Variants in KATNBL1 observed in about 807,000 individuals in gnomAD.
KATNBL1 encodes KATNB1-like protein 1.
A neutral mutation model predicts 44.7 loss-of-function variants in KATNBL1; 28 were observed. The ratio of observed to expected loss-of-function variants is 0.63; its 90% CI spans 0.46 to 0.86. The LOEUF (loss-of-function observed/expected upper bound fraction) is 0.86, where lower values mean the gene tolerates loss of function less well. Among genes scored for constraint, KATNBL1 ranks in the 40% least tolerant of loss-of-function variants. KATNBL1 has a pLI of 0.00. For missense variants in KATNBL1, 272 were observed against 350.7 expected (o/e 0.78, Z 1.79); for synonymous variants, 78 against 114.9 (o/e 0.68, Z 2.06).
Position 34,193,851 on chromosome 15 carries a change from C to CAAA in KATNBL1, c.-15+16097_-15+16099dup, listed in dbSNP as rs58951561. 7.9e-3 allele frequency among the ~76,000 whole-genome samples: 503 copies of CAAA among 63,516 alleles called. 36 individuals carry two copies. The highest frequency in any genetic ancestry group is 0.019 in the Middle Eastern group (2 of 106). 41.7% of individuals were successfully genotyped at this position (63,516 alleles called of 152,430 possible). ...TGGGTGACAGAGAAAGGCCCTGTCT[C>CAAA]AAAAAAAAAAAAAAAAAAAAAAAAA... On this transcript the variant is annotated intron_variant, in intron 1 of 9. Transcript: ENST00000256544.
At chr15:34,209,261 C>T (rs1890369930) in intron 1 of KATNBL1, 1 of 152,124 alleles carries the variant, frequency 6.6e-6, no homozygotes, top group South Asian at 2.1e-4. Context: ...TTATTACACA[C>T]CTAATTTCTC....
chr15:34,188,485 G>C (rs1457416665), intron 1 of KATNBL1, among the ~76,000 whole-genome samples: 1 of 152,150 alleles, frequency 6.6e-6, no homozygotes, highest in Non-Finnish European at 1.5e-5. Flanking sequence ...GAACCTGGGA[G>C]GTGGAGGTTG....
intron 1 of KATNBL1, among the ~76,000 whole-genome samples, chr15:34,201,443 G>A (rs1890174436): frequency 6.6e-6 from 1 of 152,194 alleles, no homozygotes; most frequent in Non-Finnish European, 1.5e-5. Flanking sequence ...GCTAGGGGGT[G>A]AAGGGAGAAG....
chr15:34,182,941 C>T (rs11857205), intron 1 of KATNBL1, among the ~76,000 whole-genome samples: 50,335 of 151,990 alleles, frequency 0.33, 8,859 homozygotes, highest in African/African-American at 0.47. Context: ...CCAAAACTCA[C>T]GGAAAGGATA....
chr15:34,157,790 G>GGGT (rs1888681746), intron 2 of KATNBL1, among the ~76,000 whole-genome samples: 1 of 152,160 alleles, frequency 6.6e-6, no homozygotes, highest in Non-Finnish European at 1.5e-5. Context: ...TGATGAAGGT[G>GGGT]GGTGCCAGGG....
At chr15:34,172,754 GACACAGACAC>G (rs1171418375) in intron 1 of KATNBL1, among the ~76,000 whole-genome samples, 1 of 81,626 alleles carries the variant, frequency 1.2e-5, no homozygotes, top group African/African-American at 4.8e-5. Context: ...TAGACACACA[GACACAGACAC>G]ACACACACAC....
intron 2 of KATNBL1, among the ~76,000 whole-genome samples, chr15:34,161,468 G>A (rs956205975): frequency 2.0e-5 from 3 of 152,186 alleles, no homozygotes; most frequent in South Asian, 2.1e-4. Flanking sequence ...GCTCAATGCC[G>A]CAAAGAAGAA....
chr15:34,153,103 G>T (rs748946632), intron 3 of KATNBL1, 34 bp from the exon 4 acceptor site: 1 of 1,498,016 alleles, frequency 6.7e-7, no homozygotes, highest in Non-Finnish European at 9.1e-7. Flanking sequence ...AAATGAAAAA[G>T]AACCATATGA....
intron 5 of KATNBL1, 114 bp downstream of exon 5, chr15:34,148,518 G>C (rs1888375938): frequency 1.6e-6 from 1 of 621,378 alleles, no homozygotes; most frequent in South Asian, 1.8e-5. Context: ...AACTCAGCAG[G>C]TTGAGGCTGC....
At position 34,154,577 on chromosome 15, in the gene KATNBL1, C is replaced by T; in HGVS notation, c.158+67G>A. 4 of 966,822 alleles carry T rather than the reference C, an allele frequency of 4.1e-6. No individual in the cohort carries two copies. The South Asian group carries it at 5.4e-5, about 13-fold the overall frequency. The allele number at this position is 966,822 out of a possible 1,614,324, so 59.9% of individuals were successfully genotyped here. On this transcript the variant is annotated intron_variant, in intron 3 of 9. Coordinates refer to ENST00000256544, the MANE Select transcript of KATNBL1 (RefSeq NM_024713.3). ...TTATGATAAAAGAATGCTTATTTTT[C>T]CCTTATTGTCATCCTTACCCAGCTT...
chr15:34,198,377 A>C (rs1433175846), intron 1 of KATNBL1: 2 of 152,212 alleles, frequency 1.3e-5, no homozygotes, highest in African/African-American at 4.8e-5. Flanking sequence ...ACAATATGTC[A>C]AGCACTGAGA....
chr15:34,161,833 G>A (rs1279612328), intron 2 of KATNBL1, among the ~76,000 whole-genome samples: 1 of 152,112 alleles, frequency 6.6e-6, no homozygotes, highest in African/African-American at 2.4e-5. Context: ...AAGGCTAGAA[G>A]GGGGTTGTTT....
intron 1 of KATNBL1, among the ~76,000 whole-genome samples, chr15:34,194,086 T>TGCAC (rs2140990883): frequency 6.6e-6 from 1 of 152,084 alleles, no homozygotes; most frequent in Admixed American, 6.5e-5. Context: ...GGACTACAGG[T>TGCAC]GCACGCCACC....
chr15:34,195,002 G>A (rs1252071511), intron 1 of KATNBL1, among the ~76,000 whole-genome samples: 1 of 152,064 alleles, frequency 6.6e-6, no homozygotes, highest in African/African-American at 2.4e-5. Context: ...TTGTGGGAAT[G>A]TAAATTAGTA....
intron 2 of KATNBL1, among the ~76,000 whole-genome samples, chr15:34,161,457 T>C (rs1160640398): frequency 6.6e-6 from 1 of 152,208 alleles, no homozygotes; most frequent in East Asian, 1.9e-4. Flanking sequence ...TAGAAACAAA[T>C]GCTCAATGCC....
At chr15:34,151,543 C>T (rs985464671) in intron 4 of KATNBL1, among the ~76,000 whole-genome samples, 1 of 142,712 alleles carries the variant, frequency 7.0e-6, no homozygotes, top group African/African-American at 2.5e-5. Flanking sequence ...CCTTTGCCTC[C>T]CGGGTTCAAG....
intron 1 of KATNBL1, among the ~76,000 whole-genome samples, chr15:34,188,160 A>AAAAAAAAAAAAAAAAAAAAAAAAAC: frequency 6.7e-6 from 1 of 149,094 alleles, no homozygotes; most frequent in Non-Finnish European, 1.5e-5. Context: ...AAAAAAAAAA[A>AAAAAAAAAAAAAAAAAAAAAAAAAC]AAAAAGAAAA....
intron 1 of KATNBL1, among the ~76,000 whole-genome samples, chr15:34,181,787 T>C (rs1176178416): frequency 3.2e-5 from 4 of 124,664 alleles, no homozygotes. Flanking sequence ...TATATGTCCA[T>C]ATATATATCC....
chr15:34,154,888 G>A, intron 2 of KATNBL1: 1 of 558,078 alleles, frequency 1.8e-6, no homozygotes, highest in Non-Finnish European at 3.2e-6. Context: ...CCCTACTACT[G>A]TGTCATTCCC....
Sources: gnomAD v4.1 joint callset for allele counts (sites outside exome capture counted in the v4.1 genomes callset) on GRCh38, gnomAD v4.1.1 for gene constraint, MANE v1.5 for transcripts, NCBI Gene and HGNC (gene_info 2026-07-23, HGNC 2026-07-21) for gene names.